EML4: variants seen among roughly 807,000 people sequenced by gnomAD.
EML4 encodes echinoderm microtubule-associated protein-like 4.
Under a neutral mutation model 129.0 loss-of-function variants are expected in EML4, and 72 were observed. The observed-to-expected ratio is 0.56, with a 90% CI of 0.46 to 0.68. EML4 has a LOEUF of 0.68. Ranked by LOEUF, EML4 falls within the 30% of genes least tolerant of loss-of-function variation. EML4 has a pLI of 0.00. For synonymous variants in EML4, 532 were observed against 405.0 expected (o/e 1.31, Z -3.77); for missense variants, 1,363 against 1,190.6 (o/e 1.14, Z -2.13).
At chr2:42,250,744 G>T (rs1023260664) in intron 2 of EML4, among the ~76,000 whole-genome samples, 1 of 152,094 alleles carries the variant, frequency 6.6e-6, no homozygotes, top group Non-Finnish European at 1.5e-5. Context: ...TGGGGTGGGT[G>T]GGGGGAGGTG....
chr2:42,185,610 ATAT>A, intron 1 of EML4, among the ~76,000 whole-genome samples: 1 of 152,172 alleles, frequency 6.6e-6, no homozygotes, highest in African/African-American at 2.4e-5. Context: ...TGCTAAGTAA[ATAT>A]TAATAATTGA....
At chr2:42,203,009 CAA>C (rs1473827974) in intron 1 of EML4, among the ~76,000 whole-genome samples, 3 of 152,034 alleles carry the variant, frequency 2.0e-5, no homozygotes, top group Non-Finnish European at 4.4e-5. Flanking sequence ...GCCTGGGTGA[CAA>C]GAGTGGGACC....
At chr2:42,238,097 A>G (rs751228505) in intron 1 of EML4, among the ~76,000 whole-genome samples, 7 of 152,158 alleles carry the variant, frequency 4.6e-5, no homozygotes, top group Non-Finnish European at 7.3e-5. Context: ...TACCTTCGGG[A>G]CATGTATGTA....
intron 3 of EML4, among the ~76,000 whole-genome samples, chr2:42,260,836 C>T (rs1333289161): frequency 1.3e-5 from 2 of 152,110 alleles, no homozygotes; most frequent in African/African-American, 4.8e-5. Context: ...TTCATTTGTC[C>T]CCCAAAATCT....
chr2:42,300,599 A>G (rs1470013836), intron 13 of EML4, among the ~76,000 whole-genome samples: 2 of 152,176 alleles, frequency 1.3e-5, no homozygotes, highest in Non-Finnish European at 2.9e-5. Context: ...GCAGGTATCC[A>G]TTGCCTACCT....
At chr2:42,180,366 A>G (rs915534723) in intron 1 of EML4, among the ~76,000 whole-genome samples, 10 of 152,198 alleles carry the variant, frequency 6.6e-5, no homozygotes, top group African/African-American at 2.4e-4. Context: ...TGTTTTAAAA[A>G]TAGGGAGATT....
chr2:42,282,304 T>C (rs115706161), intron 7 of EML4, among the ~76,000 whole-genome samples: 15 of 149,234 alleles, frequency 1.0e-4, no homozygotes, highest in Non-Finnish European at 1.9e-4. Context: ...ATTTGTCTGG[T>C]AAATGAGGAA....
At chr2:42,249,304 C>G (rs2104321169) in intron 2 of EML4, among the ~76,000 whole-genome samples, 1 of 113,758 alleles carries the variant, frequency 8.8e-6, no homozygotes, top group African/African-American at 3.8e-5. Flanking sequence ...TTTTTTAGCC[C>G]CTGTGAAATT....
intron 1 of EML4, among the ~76,000 whole-genome samples, chr2:42,215,274 G>A (rs186123331): frequency 6.6e-6 from 1 of 152,216 alleles, no homozygotes; most frequent in Non-Finnish European, 1.5e-5. Context: ...TGCTCAGGCT[G>A]GTCTTGAACT....
chr2:42,288,539 A>T, intron 11 of EML4: 1 of 282,622 alleles, frequency 3.5e-6, no homozygotes. Flanking sequence ...CAATTTCAAT[A>T]TTTCAGACAT....
At chr2:42,303,683 T>A (rs1668429318) in intron 16 of EML4, among the ~76,000 whole-genome samples, 1 of 152,212 alleles carries the variant, frequency 6.6e-6, no homozygotes, top group South Asian at 2.1e-4. Context: ...CCCAGCACTT[T>A]GGGAGGCCCA....
chr2:42,277,027 C>T (rs1449609818), intron 6 of EML4, among the ~76,000 whole-genome samples: 3 of 152,172 alleles, frequency 2.0e-5, no homozygotes, highest in Non-Finnish European at 4.4e-5. Context: ...GTGTTCTGAG[C>T]TGTGCCTGTT....
intron 1 of EML4, among the ~76,000 whole-genome samples, chr2:42,203,399 TAG>T (rs1008855761): frequency 9.9e-5 from 15 of 152,226 alleles, no homozygotes; most frequent in African/African-American, 3.6e-4. Context: ...TACTCTATGA[TAG>T]AGTTTTTCTG....
chr2:42,286,180 T>A, intron 9 of EML4, 89 bp from the exon 10 acceptor site: 1 of 795,800 alleles, frequency 1.3e-6, no homozygotes, highest in Non-Finnish European at 2.3e-6. Context: ...CCATCCCTAT[T>A]ACTTTTTTAA....
intron 10 of EML4, 135 bp downstream of exon 10, chr2:42,286,514 A>G: frequency 1.6e-6 from 1 of 638,228 alleles, no homozygotes; most frequent in East Asian, 2.7e-5. Flanking sequence ...TTGCTAACAT[A>G]TTAGCTATTG....
At chr2:42,328,862 C>T (rs776023757) in intron 21 of EML4, 24 bp from the exon 22 acceptor site, 3 of 1,562,214 alleles carry the variant, frequency 1.9e-6, no homozygotes, top group African/African-American at 2.7e-5. Context: ...AATTTTTCTG[C>T]ATCCCTGTGT....
intron 13 of EML4, among the ~76,000 whole-genome samples, chr2:42,298,912 A>G (rs955358634): frequency 6.6e-6 from 1 of 152,198 alleles, no homozygotes; most frequent in Admixed American, 6.5e-5. Flanking sequence ...GCACAGGGAA[A>G]TAAGCCTAGA....
intron 9 of EML4, 91 bp from the exon 10 acceptor site, chr2:42,286,178 A>T (rs772295535): frequency 1.3e-6 from 1 of 788,742 alleles, no homozygotes. Context: ...ATCCATCCCT[A>T]TTACTTTTTT....
In EML4 at chr2:42,326,095, C is replaced by G. The variant is rs745718119; in HGVS notation, c.2243-59C>G. 3 of 1,591,382 alleles carry G rather than the reference C, an allele frequency of 1.9e-6. No homozygotes were observed. The South Asian group carries it at 3.4e-5, about 18-fold the overall frequency. ...CGTGGCTAGTTTGAATCAAGATGCA[C>G]TTTCAAATACATTTGTACACAAGCA... On this transcript the variant is annotated intron_variant, in intron 20 of 22. Transcript: ENST00000318522.
Sources: gnomAD v4.1 joint callset for allele counts (sites outside exome capture counted in the v4.1 genomes callset) on GRCh38, gnomAD v4.1.1 for gene constraint, MANE v1.5 for transcripts, NCBI Gene and HGNC (gene_info 2026-07-23, HGNC 2026-07-21) for gene names.